Variants in INSR observed in about 807,000 individuals in gnomAD.
INSR encodes the protein insulin receptor, also known as IR.
A neutral mutation model predicts 142.6 loss-of-function variants in INSR; 67 were observed. The ratio of observed to expected loss-of-function variants is 0.47; its 90% CI spans 0.39 to 0.58. INSR has a LOEUF of 0.58. Ranked by LOEUF, INSR falls within the 20% of genes least tolerant of loss-of-function variation. The pLI, the probability that INSR is intolerant of heterozygous loss-of-function variation, is 0.00. For missense variants in INSR, 1,248 were observed against 1,833.2 expected, an observed-to-expected ratio of 0.68 and a Z score of 5.83; for synonymous variants, 756 against 743.1, an observed-to-expected ratio of 1.02 and a Z score of -0.28.
intron 3 of INSR, among the ~76,000 whole-genome samples, chr19:7,183,679 G>A (rs186850784): frequency 3.7e-4 from 57 of 152,172 alleles, no homozygotes; most frequent in Admixed American, 3.0e-3. Flanking sequence ...GACAGGCCAC[G>A]TGGAGGATTT....
At chr19:7,271,061 C>CAA (rs372484773) in intron 1 of INSR, among the ~76,000 whole-genome samples, 2 of 141,606 alleles carry the variant, frequency 1.4e-5, no homozygotes, top group African/African-American at 2.6e-5. Flanking sequence ...GACTCTGTCT[C>CAA]AAAAAAAAAA....
chr19:7,160,024 C>T (rs1162818564), intron 9 of INSR, among the ~76,000 whole-genome samples: 7 of 152,050 alleles, frequency 4.6e-5, no homozygotes, highest in Non-Finnish European at 1.0e-4. Context: ...ATGGGCCCAG[C>T]GCAGTGGCTC....
At chr19:7,153,633 G>A (rs1255867953) in intron 9 of INSR, among the ~76,000 whole-genome samples, 1 of 152,108 alleles carries the variant, frequency 6.6e-6, no homozygotes, top group Non-Finnish European at 1.5e-5. Flanking sequence ...TGAGAGGATC[G>A]CTTGAGCCCA....
intron 2 of INSR, among the ~76,000 whole-genome samples, chr19:7,252,971 C>T (rs972516544): frequency 6.6e-6 from 1 of 151,952 alleles, no homozygotes; most frequent in South Asian, 2.1e-4. Flanking sequence ...AAAAATTAGC[C>T]GGGCGTGGTG....
At chr19:7,241,669 G>C (rs188963773) in intron 2 of INSR, among the ~76,000 whole-genome samples, 1 of 152,098 alleles carries the variant, frequency 6.6e-6, no homozygotes, top group Non-Finnish European at 1.5e-5. Context: ...GCACATGCCT[G>C]TGATCCCAGC....
At chr19:7,273,329 A>G (rs1967976170) in intron 1 of INSR, among the ~76,000 whole-genome samples, 1 of 152,190 alleles carries the variant, frequency 6.6e-6, no homozygotes, top group Non-Finnish European at 1.5e-5. Flanking sequence ...AAATACCCAG[A>G]GGATGTTAGA....
At chr19:7,158,024 C>A (rs1973641268) in intron 9 of INSR, among the ~76,000 whole-genome samples, 1 of 149,412 alleles carries the variant, frequency 6.7e-6, no homozygotes, top group African/African-American at 2.5e-5. Context: ...TGTAGAACTG[C>A]CTGAATAAGG....
intron 2 of INSR, among the ~76,000 whole-genome samples, chr19:7,262,364 C>T (rs372914816): frequency 3.9e-5 from 6 of 152,070 alleles, no homozygotes; most frequent in South Asian, 2.1e-4. Context: ...CCGAGCCACG[C>T]GGGAGGCTGA....
rs1403677112 is a variant in INSR, at chr19:7,119,693, C to G, written c.3660-110G>C. On this transcript the variant is annotated intron_variant, in intron 20 of 21. Transcript: ENST00000302850. This position sits in a 1 kb window ranked among gnomAD's most constrained non-coding sequence, Gnocchi z 5.2. ...GCACACACACACGCAAACACACATG[C>G]CAACACATACATGCAAACACACACA... 1.6e-5 allele frequency: 19 copies of G among 1,208,246 alleles called. No individual in the cohort carries two copies. The highest frequency in any genetic ancestry group is 2.2e-5 in the Non-Finnish European group (18 of 831,968). 74.8% of individuals were successfully genotyped at this position (1,208,246 alleles called of 1,614,324 possible). A position where few individuals can be genotyped will look rare whatever the true frequency, so the allele number is the denominator to read the frequency against.
chr19:7,192,665 G>C lies in INSR; in HGVS notation c.653-8028C>G, dbSNP rs1275901459. Among the ~76,000 whole-genome samples the C allele has an allele frequency of 6.6e-6, 1 of 152,160 alleles. No homozygotes were observed. Among genetic ancestry groups the C allele is most frequent in the Non-Finnish European group, 1.5e-5 (1 of 68,038 alleles). ...CACTCCCTCACACCTGCACACAAGT[G>C]CTGCTGTGTATGTAGGGAACATCTA... On this transcript the variant is annotated intron_variant, in intron 2 of 21. Transcript: ENST00000302850. The surrounding 1 kb of genome is among the most constrained non-coding windows in gnomAD (Gnocchi z 4.2).
Position 7,229,300 on chromosome 19 carries a change from T to C in INSR, c.652+38045A>G, listed in dbSNP as rs898405934. On this transcript the variant is annotated intron_variant, in intron 2 of 21. Coordinates refer to ENST00000302850, the MANE Select transcript of INSR (RefSeq NM_000208.4). ...GCAGATGAGCAAGTGGATGGAGGGA[T>C]GATGGATGGATGGATGGATGGATGG... is the stretch of plus-strand genomic sequence containing the variant. Among the ~76,000 whole-genome samples, 15 of 124,406 alleles carry C rather than the reference T, an allele frequency of 1.2e-4. No individual in the cohort carries two copies. The South Asian group carries it at 2.0e-3, about 16-fold the overall frequency. 81.6% of individuals were successfully genotyped at this position (124,406 alleles called of 152,430 possible). A position where few individuals can be genotyped will look rare whatever the true frequency, so the allele number is the denominator to read the frequency against.
intron 2 of INSR, among the ~76,000 whole-genome samples, chr19:7,232,395 A>G (rs1422200765): frequency 2.0e-5 from 3 of 152,060 alleles, no homozygotes; most frequent in Non-Finnish European, 4.4e-5. Flanking sequence ...TATTTTTAGT[A>G]GTTGGCCAGG....
intron 15 of INSR, among the ~76,000 whole-genome samples, chr19:7,128,036 C>T (rs1972687863): frequency 6.6e-6 from 1 of 151,904 alleles, no homozygotes; most frequent in Admixed American, 6.6e-5. Flanking sequence ...GCCACCGTGC[C>T]CAGCTGAGAA....
chr19:7,274,066 C>T (rs1337893720), intron 1 of INSR, among the ~76,000 whole-genome samples: 1 of 151,958 alleles, frequency 6.6e-6, no homozygotes, highest in Non-Finnish European at 1.5e-5. Flanking sequence ...AGATAGTCCA[C>T]AGCAGTGGTC....
intron 2 of INSR, among the ~76,000 whole-genome samples, chr19:7,186,408 A>T (rs1018558094): frequency 6.6e-6 from 1 of 152,118 alleles, no homozygotes; most frequent in African/African-American, 2.4e-5. Context: ...GCCATCCAAC[A>T]TAGTAGCCAC....
intron 2 of INSR, among the ~76,000 whole-genome samples, chr19:7,213,268 C>T (rs139927313): frequency 0.023 from 3,399 of 145,044 alleles, 107 homozygotes; most frequent in African/African-American, 0.074. Flanking sequence ...CGCTTGAACC[C>T]GGGAGGCGGA....
At chr19:7,170,877 A>G (rs1056292399) in intron 5 of INSR, 126 bp from the exon 6 acceptor site, 1 of 792,770 alleles carries the variant, frequency 1.3e-6, no homozygotes, top group Non-Finnish European at 2.3e-6. Context: ...CTTGCTTGGC[A>G]CATACTCAAC....
intron 2 of INSR, among the ~76,000 whole-genome samples, chr19:7,239,459 C>T (rs964750878): frequency 6.6e-6 from 1 of 152,122 alleles, no homozygotes; most frequent in Non-Finnish European, 1.5e-5. Context: ...AATTTTCCTG[C>T]AGCCTTGCCC....
intron 4 of INSR, 39 bp downstream of exon 4, chr19:7,174,544 C>A: frequency 6.2e-7 from 1 of 1,611,792 alleles, no homozygotes; most frequent in South Asian, 1.1e-5. Flanking sequence ...GGACATGGAG[C>A]CCAACAGGCA....
Sources: gnomAD v4.1 joint callset for allele counts (sites outside exome capture counted in the v4.1 genomes callset) on GRCh38, gnomAD v4.1.1 for gene constraint, Gnocchi (gnomAD v3.1) non-coding constraint, MANE v1.5 for transcripts, NCBI Gene and HGNC (gene_info 2026-07-23, HGNC 2026-07-21) for gene names.